Variants in PKP2 observed in about 807,000 individuals in gnomAD.
The protein encoded by PKP2 is plakophilin-2.
In PKP2, 73 loss-of-function variants were observed where a neutral mutation model predicts 83.4. The ratio of observed to expected loss-of-function variants is 0.88; its 90% CI spans 0.72 to 1.06. The LOEUF (loss-of-function observed/expected upper bound fraction) is 1.06, where lower values mean the gene tolerates loss of function less well. Ranked by LOEUF, PKP2 falls within the 50% of genes least tolerant of loss-of-function variation. The pLI, the probability that PKP2 is intolerant of heterozygous loss-of-function variation, is 0.00. For synonymous variants in PKP2, 409 were observed against 430.4 expected (o/e 0.95, Z 0.62); for missense variants, 966 against 1,065.4 (o/e 0.91, Z 1.30).
intron 1 of PKP2, among the ~76,000 whole-genome samples, chr12:32,879,617 TCAGGCATTCAAGAG>T (rs1279387152): frequency 6.6e-6 from 1 of 151,446 alleles, no homozygotes; most frequent in Non-Finnish European, 1.5e-5. Context: ...TCACCCGAGG[TCAGGCATTCAAGAG>T]CAGCCTGGCC....
At chr12:32,855,663 C>A (rs1009048290) in intron 4 of PKP2, among the ~76,000 whole-genome samples, 3 of 149,190 alleles carry the variant, frequency 2.0e-5, no homozygotes, top group African/African-American at 7.4e-5. Flanking sequence ...GTAATCCCAG[C>A]TACTGGGGAG....
At chr12:32,868,904 A>C in intron 4 of PKP2, 23 bp downstream of exon 4, 1 of 1,610,858 alleles carries the variant, frequency 6.2e-7, no homozygotes, top group East Asian at 2.2e-5. Context: ...TGCGCTTTGC[A>C]ATGGACTGAA....
intron 1 of PKP2, among the ~76,000 whole-genome samples, chr12:32,885,763 G>C (rs1299501119): frequency 4.0e-5 from 6 of 151,772 alleles, no homozygotes; most frequent in Non-Finnish European, 8.8e-5. Context: ...AAATCAAATT[G>C]ACAAGTCTCT....
Position 32,846,745 on chromosome 12 carries a change from C to CAAAAAAAAAAAAAAAA in PKP2, c.1378+4005_1378+4020dup, listed in dbSNP as rs574053559. On this transcript the variant is annotated intron_variant, in intron 5 of 12. Coordinates refer to ENST00000340811, the MANE Select transcript of PKP2 (RefSeq NM_001005242.3). ...GGGTAACAAGAATGAAACTTCTTCT[C>CAAAAAAAAAAAAAAAA]AAAAAAAAAAAAAAAAAAGAAGAGA... 1.8e-3 allele frequency among the ~76,000 whole-genome samples: 131 copies of CAAAAAAAAAAAAAAAA among 74,752 alleles called. 5 individuals are homozygous for CAAAAAAAAAAAAAAAA. Among genetic ancestry groups the CAAAAAAAAAAAAAAAA allele is most frequent in the African/African-American group, 4.8e-3 (84 of 17,634 alleles). 49.0% of individuals were successfully genotyped at this position (74,752 alleles called of 152,430 possible). A position where few individuals can be genotyped will look rare whatever the true frequency, so the allele number is the denominator to read the frequency against.
intron 1 of PKP2, among the ~76,000 whole-genome samples, 159 bp from the exon 2 acceptor site, chr12:32,879,191 C>T (rs1323393678): frequency 6.6e-6 from 1 of 152,204 alleles, no homozygotes; most frequent in Non-Finnish European, 1.5e-5. Context: ...TAGTTTCACA[C>T]CACCCTGGGA....
chr12:32,835,710 G>A (rs185699199), intron 6 of PKP2, among the ~76,000 whole-genome samples: 9 of 152,312 alleles, frequency 5.9e-5, no homozygotes, highest in African/African-American at 7.2e-5. Context: ...TGATGTTAAA[G>A]TAGTCAACTA....
intron 6 of PKP2, among the ~76,000 whole-genome samples, chr12:32,839,071 G>T (rs932789964): frequency 1.3e-5 from 2 of 152,124 alleles, no homozygotes; most frequent in Admixed American, 1.3e-4. Context: ...CAAGCACTTT[G>T]GTGGGTGTGA....
intron 9 of PKP2, 35 bp from the exon 10 acceptor site, chr12:32,802,591 T>G (rs1956193019): frequency 6.3e-7 from 1 of 1,593,864 alleles, no homozygotes; most frequent in Admixed American, 1.7e-5. Context: ...AGTGCTATTG[T>G]ATTTGATTTC....
At chr12:32,885,275 T>A (rs1324872796) in intron 1 of PKP2, among the ~76,000 whole-genome samples, 1 of 152,226 alleles carries the variant, frequency 6.6e-6, no homozygotes, top group Non-Finnish European at 1.5e-5. Context: ...ATATGATTCC[T>A]AAGCAGCTGT....
At chr12:32,800,156 A>T (rs185653571) in intron 10 of PKP2, among the ~76,000 whole-genome samples, 12 of 152,328 alleles carry the variant, frequency 7.9e-5, no homozygotes, top group Admixed American at 7.8e-4. Context: ...GTTTATCAGC[A>T]ATTAACAAAT....
chr12:32,832,803 A>C (rs1191588153), intron 6 of PKP2, among the ~76,000 whole-genome samples: 2 of 152,236 alleles, frequency 1.3e-5, no homozygotes, highest in Non-Finnish European at 2.9e-5. Context: ...TCTACATCTT[A>C]CAAAAAAGAA....
intron 1 of PKP2, among the ~76,000 whole-genome samples, chr12:32,889,763 A>G (rs997538155): frequency 2.0e-5 from 3 of 152,086 alleles, no homozygotes; most frequent in African/African-American, 7.2e-5. Context: ...GCTTCCCCAG[A>G]ATGTAGGCAG....
intron 4 of PKP2, among the ~76,000 whole-genome samples, chr12:32,858,064 CAAAAAAA>C (rs777690496): frequency 1.2e-3 from 34 of 27,390 alleles, no homozygotes; most frequent in South Asian, 7.8e-3. Context: ...CCCATCTCTA[CAAAAAAA>C]AAAAAAAAAA....
chr12:32,793,626 T>TTA (rs1403858171), intron 11 of PKP2, among the ~76,000 whole-genome samples: 6 of 143,168 alleles, frequency 4.2e-5, no homozygotes, highest in Non-Finnish European at 9.1e-5. Flanking sequence ...TTTTTTTTTT[T>TTA]TTTTTTTTTT....
chr12:32,877,513 C>A (rs1956941729), intron 3 of PKP2, among the ~76,000 whole-genome samples: 1 of 152,130 alleles, frequency 6.6e-6, no homozygotes, highest in Admixed American at 6.5e-5. Flanking sequence ...AATACGCATG[C>A]AATTCTCCAA....
At chr12:32,879,134 T>G (rs1956963153) in intron 1 of PKP2, 102 bp from the exon 2 acceptor site, 1 of 736,046 alleles carries the variant, frequency 1.4e-6, no homozygotes, top group Non-Finnish European at 2.4e-6. Context: ...ATTTAAGTAA[T>G]GAAGGCCAAG....
chr12:32,824,974 C>T (rs60243898), intron 6 of PKP2, among the ~76,000 whole-genome samples: 9,490 of 151,970 alleles, frequency 0.062, 989 homozygotes, highest in African/African-American at 0.22. Flanking sequence ...TACTACCTTC[C>T]TTTAGATTAA....
At chr12:32,844,230 G>A (rs1956626076) in intron 5 of PKP2, among the ~76,000 whole-genome samples, 1 of 152,164 alleles carries the variant, frequency 6.6e-6, no homozygotes, top group African/African-American at 2.4e-5. Flanking sequence ...TGGCATGAAA[G>A]CTGTGAAAGA....
In PKP2 at chr12:32,841,221, G is replaced by T; in HGVS notation, c.1379-16C>A. On this transcript the variant is annotated splice_polypyrimidine_tract_variant and intron_variant, in intron 5 of 12. Coordinates refer to ENST00000340811, the MANE Select transcript of PKP2 (RefSeq NM_001005242.3). ...CACAGCAAACCTAGAAAAGCACAGAGTTACCATGAAAACAGTGCAGGGTGG... is the reference window on the plus strand; with the variant it reads ...CACAGCAAACCTAGAAAAGCACAGATTTACCATGAAAACAGTGCAGGGTGG... 6.2e-7 allele frequency: 1 copy of T among 1,609,112 alleles called. No individual in the cohort carries two copies.
Sources: allele counts gnomAD v4.1 joint callset (sites outside exome capture counted in the v4.1 genomes callset), GRCh38; gene constraint gnomAD v4.1.1; transcripts MANE v1.5; gene names NCBI Gene and HGNC (gene_info 2026-07-23, HGNC 2026-07-21).